The following CHMP7 variants were observed in gnomAD, a reference collection of about 807,000 sequenced individuals.
CHMP7 encodes the protein charged multivesicular body protein 7, also known as CHMP family, member 7.
Under a neutral mutation model 53.7 loss-of-function variants are expected in CHMP7, and 15 were observed. The observed-to-expected ratio is 0.28, with a 90% CI of 0.19 to 0.43. CHMP7 has a LOEUF of 0.43. Ranked by LOEUF, CHMP7 falls within the 20% of genes least tolerant of loss-of-function variation. The pLI, the probability that CHMP7 is intolerant of heterozygous loss-of-function variation, is 1.00. For missense variants in CHMP7, 527 were observed against 569.4 expected (o/e 0.93, Z 0.76); for synonymous variants, 261 against 228.0 (o/e 1.14, Z -1.30).
chr8:23,257,137 C>T (rs1208099639), intron 5 of CHMP7, among the ~76,000 whole-genome samples: 1 of 142,844 alleles, frequency 7.0e-6, no homozygotes, highest in Non-Finnish European at 1.5e-5. Context: ...CTTGCACTGT[C>T]CCCTAGGCTG....
chr8:23,256,555 C>G lies in CHMP7; in HGVS notation c.753C>G (p.Leu251=), dbSNP rs1172505457. The change falls in exon 5 of 11, where the codon CTC becomes CTG. Residue 251 remains leucine (L), a synonymous_variant. Coordinates refer to ENST00000397677, the MANE Select transcript of CHMP7 (RefSeq NM_152272.5). The part of the protein sequence containing the change: ...VYQLMQSEQL[L]SRKVESLSQE... ...AGCTGATGCAGAGTGAACAGCTTCT[C>G]TCACGCAAAGTGGAGTCCTTATCCC... 34 of 1,614,058 alleles carry G rather than the reference C, an allele frequency of 2.1e-5. No individual in the cohort carries two copies. Among genetic ancestry groups the G allele is most frequent in the Non-Finnish European group, 2.8e-5 (33 of 1,179,922 alleles).
In CHMP7 at chr8:23,260,896, T is replaced by C. The variant is rs1161654515; in HGVS notation, c.*297T>C. On this transcript the variant is annotated 3_prime_UTR_variant, in exon 11 of 11. Transcript: ENST00000397677. Reference sequence around the variant, plus strand: ...CCTGCAGTTCTTGCCATTGGCACACTTAGATTTGTCTTCACCCACCAGCTT... The same window carrying C: ...CCTGCAGTTCTTGCCATTGGCACACCTAGATTTGTCTTCACCCACCAGCTT... 2.3e-6 allele frequency: 1 copy of C among 433,148 alleles called. No individual in the cohort carries two copies. Among genetic ancestry groups the C allele is most frequent in the East Asian group, 3.8e-5 (1 of 26,334 alleles). 26.8% of individuals were successfully genotyped at this position (433,148 alleles called of 1,614,324 possible).
At chr8:23,254,225 C>T (rs895392083) in intron 3 of CHMP7, among the ~76,000 whole-genome samples, 15 of 151,170 alleles carry the variant, frequency 9.9e-5, no homozygotes, top group Admixed American at 3.3e-4. Context: ...CCCAGGCAGT[C>T]CTTCCCTATA....
chr8:23,256,765 A>T, intron 5 of CHMP7, 172 bp downstream of exon 5: 1 of 345,198 alleles, frequency 2.9e-6, no homozygotes, highest in Non-Finnish European at 5.1e-6. Flanking sequence ...AGAATATCAC[A>T]AAAGAGAAAA....
chr8:23,255,422 A>ACGG lies in CHMP7; in HGVS notation c.648_650dup (p.Gly217dup), dbSNP rs1400458307. ...AAGAGGGTCACAGTCCTCGAGCAGA[A>ACGG]CGGGGAGAAGGTATGGAGGCTCATC... is the stretch of plus-strand genomic sequence containing the variant. On this transcript the variant is annotated inframe_insertion, in exon 4 of 11. Coordinates refer to ENST00000397677, the MANE Select transcript of CHMP7 (RefSeq NM_152272.5). 3 of 1,614,124 alleles carry ACGG rather than the reference A, an allele frequency of 1.9e-6. No homozygotes were observed. The East Asian group carries it at 6.7e-5, about 36-fold the overall frequency.
rs774982077 is a variant in CHMP7 at position 23,249,288 on chromosome 8, C to T, written c.378C>T (p.Phe126=). 9 of 1,613,202 alleles carry T rather than the reference C, an allele frequency of 5.6e-6. No individual in the cohort carries two copies. The highest frequency in any genetic ancestry group is 7.6e-6 in the Non-Finnish European group (9 of 1,179,700). ...SSWISWGVGV[F]LLKPLKWTLS... Reference sequence around the variant, plus strand: ...GGATCTCCTGGGGGGTTGGGGTCTTCCTGCTGAAGCCTCTCAAGTGGACTC... The same window carrying T: ...GGATCTCCTGGGGGGTTGGGGTCTTTCTGCTGAAGCCTCTCAAGTGGACTC... The change falls in exon 3 of 11, where the codon TTC becomes TTT. Residue 126 remains phenylalanine, a synonymous_variant. Coordinates refer to ENST00000397677, the MANE Select transcript of CHMP7 (RefSeq NM_152272.5).
intron 5 of CHMP7, 174 bp downstream of exon 5, chr8:23,256,767 AAG>A (rs1267830528): frequency 5.8e-6 from 2 of 346,470 alleles, no homozygotes; most frequent in African/African-American, 2.1e-5. Context: ...AATATCACAA[AAG>A]AGAAAAAAAA....
At chr8:23,257,091 C>CTT (rs1195836725) in intron 5 of CHMP7, among the ~76,000 whole-genome samples, 109 of 130,904 alleles carry the variant, frequency 8.3e-4, no homozygotes, top group African/African-American at 1.9e-3. Flanking sequence ...CGTGCCCGGC[C>CTT]TTTTTTTTTT....
In CHMP7 at chr8:23,246,630, G is replaced by A; in HGVS notation, c.-66G>A. ...GTGGTCAAGGAACGGAAGCCGGGAG[G>A]GAACGAGGGCGGAAGCGGACCAGGG... is the stretch of plus-strand genomic sequence containing the variant. On this transcript the variant is annotated 5_prime_UTR_variant, in exon 2 of 11. Transcript: ENST00000397677. 1 of 1,377,122 alleles carries A rather than the reference G, an allele frequency of 7.3e-7. No homozygotes were observed. The highest frequency in any genetic ancestry group is 9.8e-7 in the Non-Finnish European group (1 of 1,016,540). 85.3% of individuals were successfully genotyped at this position (1,377,122 alleles called of 1,614,324 possible). A position where few individuals can be genotyped will look rare whatever the true frequency, so the allele number is the denominator to read the frequency against.
chr8:23,256,936 C>G (rs6557645), intron 5 of CHMP7, among the ~76,000 whole-genome samples: 133,922 of 151,412 alleles, frequency 0.88, 60,401 homozygotes, highest in Non-Finnish European at 0.97. Context: ...GGTACTACAG[C>G]CACCCGCCAC....
chr8:23,249,768 C>T lies in CHMP7; in HGVS notation c.471+387C>T, dbSNP rs534912291. Among the ~76,000 whole-genome samples, 4 of 152,296 alleles carry T rather than the reference C, an allele frequency of 2.6e-5. No individual in the cohort carries two copies. In the South Asian group the frequency reaches 8.3e-4, roughly 32 times the overall value. ...TGGCCCACTCAGCTCCACTTTCCTACTTTGTGACCGTGCCCTTTCCCCTTC... is the reference window on the plus strand; with the variant it reads ...TGGCCCACTCAGCTCCACTTTCCTATTTTGTGACCGTGCCCTTTCCCCTTC... On this transcript the variant is annotated intron_variant, in intron 3 of 10. Transcript: ENST00000397677.
chr8:23,258,620 A>G (rs549285200), intron 7 of CHMP7, 112 bp from the exon 8 acceptor site: 64 of 1,199,950 alleles, frequency 5.3e-5, no homozygotes, highest in Admixed American at 2.5e-4. Context: ...GGGTAAATTG[A>G]GCTTGGGTGC....
chr8:23,248,389 G>A (rs1333609733), intron 2 of CHMP7, among the ~76,000 whole-genome samples: 1 of 152,152 alleles, frequency 6.6e-6, no homozygotes, highest in Non-Finnish European at 1.5e-5. Flanking sequence ...ACTTCTCCAC[G>A]GAGGCGACGT....
intron 3 of CHMP7, among the ~76,000 whole-genome samples, chr8:23,251,527 T>A (rs1296695087): frequency 2.0e-5 from 3 of 152,218 alleles, no homozygotes; most frequent in African/African-American, 7.2e-5. Flanking sequence ...CCATGGGCCC[T>A]GGGACCCTGG....
intron 3 of CHMP7, among the ~76,000 whole-genome samples, chr8:23,253,566 C>T (rs374455500): frequency 3.2e-4 from 48 of 152,294 alleles, no homozygotes; most frequent in East Asian, 2.5e-3. Context: ...GGATTAGAGG[C>T]GTGAGGCACA....
Position 23,261,589 on chromosome 8 carries a change from T to G in CHMP7, c.*990T>G, listed in dbSNP as rs952615299. ...CAGGATGTGCAATAGAAGCAGGGGTTGTCCCCTCTGCCAGATCTGTGGGGA... is the reference window on the plus strand; with the variant it reads ...CAGGATGTGCAATAGAAGCAGGGGTGGTCCCCTCTGCCAGATCTGTGGGGA... On this transcript the variant is annotated 3_prime_UTR_variant, in exon 11 of 11. Transcript: ENST00000397677. 3 of 152,764 alleles carry G rather than the reference T, an allele frequency of 2.0e-5. No homozygotes were observed. The highest frequency in any genetic ancestry group is 6.5e-5 in the Admixed American group (1 of 15,278). The allele number at this position is 152,764 out of a possible 1,614,324, so 9.5% of individuals were successfully genotyped here. A position where few individuals can be genotyped will look rare whatever the true frequency, so the allele number is the denominator to read the frequency against.
rs768057091 is a variant in CHMP7 at position 23,256,476 on chromosome 8, G to A, written c.674G>A (p.Arg225Gln). ...GTCCCTCAGATTGTGAAGTTTGCCCGAGGGCCACGTGCCAAGGTCTCTCCA... is the reference window on the plus strand; with the variant it reads ...GTCCCTCAGATTGTGAAGTTTGCCCAAGGGCCACGTGCCAAGGTCTCTCCA... Reference protein sequence around the residue: ...QNGEKIVKFARGPRAKVSPVN... With the variant: ...QNGEKIVKFAQGPRAKVSPVN... Residue 225 changes from arginine to glutamine, a missense_variant, in exon 5 of 11, where the codon CGA (arginine) becomes CAA (glutamine). Transcript: ENST00000397677. 5.6e-6 allele frequency: 9 copies of A among 1,606,310 alleles called. No homozygotes were observed. Among genetic ancestry groups the A allele is most frequent in the African/African-American group, 1.3e-5 (1 of 74,746 alleles).
At position 23,246,814 on chromosome 8, in the gene CHMP7, G is replaced by A; in HGVS notation, c.119G>A (p.Arg40Lys). Residue 40 changes from arginine (R) to lysine (K), a missense_variant, in exon 2 of 11, where the codon AGG (arginine) becomes AAG (lysine). Transcript: ENST00000397677. ...RMSFLFSAFKRSREVNSTDWD... is the reference protein window; with the variant it reads ...RMSFLFSAFKKSREVNSTDWD... ...TCCTTCCTGTTCTCCGCTTTCAAGA[G>A]GAGTCGCGAGGTGAACAGCACCGAC... The A allele has an allele frequency of 6.3e-7, 1 of 1,596,636 alleles. No individual in the cohort carries two copies. The highest frequency in any genetic ancestry group is 1.1e-5 in the South Asian group (1 of 88,298).
intron 6 of CHMP7, 80 bp downstream of exon 6, chr8:23,258,161 T>G: frequency 1.4e-6 from 2 of 1,461,454 alleles, no homozygotes; most frequent in Non-Finnish European, 1.9e-6. Context: ...GAGAGCAGCT[T>G]GCTGGGGTTT....
Sources: allele counts gnomAD v4.1 joint callset (sites outside exome capture counted in the v4.1 genomes callset), GRCh38; gene constraint gnomAD v4.1.1; transcripts MANE v1.5; gene names NCBI Gene and HGNC (gene_info 2026-07-23, HGNC 2026-07-21).